Variants in GNG12 observed in about 807,000 individuals in gnomAD.
GNG12 encodes the protein guanine nucleotide-binding protein G(I)/G(S)/G(O) subunit gamma-12.
For synonymous variants in GNG12, 28 were observed against 29.7 expected (o/e 0.94, Z 0.19); for missense variants, 69 against 83.8 (o/e 0.82, Z 0.69).
Position 67,705,248 on chromosome 1 carries a change from T to C in GNG12, c.*203A>G, listed in dbSNP as rs948498528. Reference sequence around the variant, plus strand: ...CATAGTTACCAAGTGGAAAATAAGATTGTTATTCTGTATTAAATCAGTAAA... The same window carrying C: ...CATAGTTACCAAGTGGAAAATAAGACTGTTATTCTGTATTAAATCAGTAAA... On this transcript the variant is annotated 3_prime_UTR_variant, in exon 4 of 4. Transcript: ENST00000370982. 3.1e-6 allele frequency: 2 copies of C among 641,012 alleles called. No homozygotes were observed. Among genetic ancestry groups the C allele is most frequent in the African/African-American group, 1.9e-5 (1 of 53,066 alleles). The allele number at this position is 641,012 out of a possible 1,614,324, so 39.7% of individuals were successfully genotyped here.
intron 1 of GNG12, among the ~76,000 whole-genome samples, chr1:67,798,657 TAATA>T (rs1646846202): frequency 6.6e-6 from 1 of 152,022 alleles, no homozygotes; most frequent in Non-Finnish European, 1.5e-5. Flanking sequence ...CACTTCCACT[TAATA>T]AATAGTAAAT....
intron 2 of GNG12, among the ~76,000 whole-genome samples, chr1:67,708,972 A>T (rs1160065456): frequency 6.6e-6 from 1 of 152,240 alleles, no homozygotes; most frequent in Non-Finnish European, 1.5e-5. Context: ...CAGGGCATCC[A>T]TCACGTGGGC....
chr1:67,708,787 T>C (rs1002021660), intron 2 of GNG12, among the ~76,000 whole-genome samples: 9 of 152,258 alleles, frequency 5.9e-5, no homozygotes, highest in African/African-American at 1.7e-4. Context: ...AGGTGGACAG[T>C]AGGTGTGCCT....
At chr1:67,776,952 A>C (rs1646708788) in intron 2 of GNG12, among the ~76,000 whole-genome samples, 1 of 152,198 alleles carries the variant, frequency 6.6e-6, no homozygotes, top group South Asian at 2.1e-4. Flanking sequence ...TTATTTTCCT[A>C]GCTCTTAAGG....
intron 2 of GNG12, among the ~76,000 whole-genome samples, chr1:67,747,376 T>G (rs1646513454): frequency 6.6e-6 from 1 of 152,168 alleles, no homozygotes; most frequent in Admixed American, 6.5e-5. Flanking sequence ...CGCCTCAGCC[T>G]CTGGAAGTGC....
In GNG12 at chr1:67,771,595, C is replaced by T. The variant is rs534193313; in HGVS notation, c.-27+5863G>A. On this transcript the variant is annotated intron_variant, in intron 2 of 3. Transcript: ENST00000370982. ...AAAAGCAGAGTTTGAAAGCCACTGA[C>T]GAGCATGATCTTATGGGTCCTGTAC... Among the ~76,000 whole-genome samples, 15 of 152,302 alleles carry T rather than the reference C, an allele frequency of 9.8e-5. No homozygotes were observed. The South Asian group carries it at 2.7e-3, about 27-fold the overall frequency.
chr1:67,730,476 G>A (rs1428546326), intron 2 of GNG12, among the ~76,000 whole-genome samples: 1 of 152,194 alleles, frequency 6.6e-6, no homozygotes, highest in Non-Finnish European at 1.5e-5. Context: ...TTGCACTCCA[G>A]CCTGGTCAAC....
chr1:67,706,272 A>G (rs1221780880), intron 3 of GNG12, among the ~76,000 whole-genome samples: 1 of 152,208 alleles, frequency 6.6e-6, no homozygotes, highest in Non-Finnish European at 1.5e-5. Context: ...TTCTACCCAG[A>G]AAAAAACAGA....
intron 1 of GNG12, among the ~76,000 whole-genome samples, chr1:67,781,727 A>T (rs765443260): frequency 6.6e-6 from 1 of 152,168 alleles, no homozygotes; most frequent in Non-Finnish European, 1.5e-5. Flanking sequence ...AGATGAATTC[A>T]GTATAGGTTC....
chr1:67,830,751 G>A (rs1280068209), intron 1 of GNG12, among the ~76,000 whole-genome samples: 1 of 152,076 alleles, frequency 6.6e-6, no homozygotes, highest in South Asian at 2.1e-4. Context: ...TGCTGTGGTA[G>A]AAACATCACA....
intron 1 of GNG12, among the ~76,000 whole-genome samples, chr1:67,811,248 C>T (rs926521014): frequency 3.3e-5 from 5 of 152,156 alleles, no homozygotes; most frequent in African/African-American, 1.2e-4. Flanking sequence ...TACAGTTGAA[C>T]TGGTTCTGAT....
intron 2 of GNG12, among the ~76,000 whole-genome samples, chr1:67,710,078 A>ATATATATAGT (rs1646281669): frequency 2.2e-4 from 5 of 23,090 alleles, no homozygotes; most frequent in African/African-American, 7.8e-4. Flanking sequence ...ATATATAGTT[A>ATATATATAGT]TATATATATA....
At chr1:67,729,503 A>T (rs574116247) in intron 2 of GNG12, among the ~76,000 whole-genome samples, 1 of 151,914 alleles carries the variant, frequency 6.6e-6, no homozygotes, top group African/African-American at 2.4e-5. Context: ...GATTAGCCCT[A>T]TTGGTTCTAT....
chr1:67,830,323 A>G (rs995040922), intron 1 of GNG12, among the ~76,000 whole-genome samples: 9 of 152,188 alleles, frequency 5.9e-5, no homozygotes, highest in South Asian at 4.1e-4. Flanking sequence ...GCATTTAAAA[A>G]ATTTTTTAGA....
chr1:67,799,570 G>C (rs960322977), intron 1 of GNG12, among the ~76,000 whole-genome samples: 2 of 152,132 alleles, frequency 1.3e-5, no homozygotes, highest in African/African-American at 4.8e-5. Flanking sequence ...CCAGCAACTA[G>C]AACTGTTTAC....
At chr1:67,711,568 G>A (rs973343032) in intron 2 of GNG12, among the ~76,000 whole-genome samples, 2 of 152,124 alleles carry the variant, frequency 1.3e-5, no homozygotes, top group African/African-American at 4.8e-5. Context: ...AGCAGCCCTC[G>A]GAAGAAGAGG....
intron 2 of GNG12, among the ~76,000 whole-genome samples, chr1:67,728,817 A>C (rs748378241): frequency 1.3e-5 from 2 of 152,166 alleles, no homozygotes; most frequent in African/African-American, 2.4e-5. Context: ...AGGCCCCCCC[A>C]CACAGAAACC....
Position 67,719,976 on chromosome 1 carries a change from C to T in GNG12, c.-26-12264G>A, listed in dbSNP as rs1646347887. 3.9e-5 allele frequency among the ~76,000 whole-genome samples: 6 copies of T among 152,342 alleles called. No homozygotes were observed. In the South Asian group the frequency reaches 1.2e-3, roughly 32 times the overall value. On this transcript the variant is annotated intron_variant, in intron 2 of 3. Transcript: ENST00000370982. ...CACATCAGCCAGCCTGAGTCTCGCA[C>T]CCTGGGTGTTTGCGTGCCCAGTGTT...
At chr1:67,803,070 T>C (rs953445455) in intron 1 of GNG12, among the ~76,000 whole-genome samples, 2 of 152,222 alleles carry the variant, frequency 1.3e-5, no homozygotes, top group Admixed American at 1.3e-4. Flanking sequence ...TGGAGGGACA[T>C]TGCCCCCACT....
Sources: gnomAD v4.1 joint callset for allele counts (sites outside exome capture counted in the v4.1 genomes callset) on GRCh38, gnomAD v4.1.1 for gene constraint, MANE v1.5 for transcripts, NCBI Gene and HGNC (gene_info 2026-07-23, HGNC 2026-07-21) for gene names.